The following OCM variants were observed in gnomAD, a reference collection of about 807,000 sequenced individuals.
The protein encoded by OCM is oncomodulin.
A neutral mutation model predicts 14.1 loss-of-function variants in OCM; 18 were observed. That is an observed-to-expected ratio of 1.28 (90% CI 0.88 to 1.89). The LOEUF (loss-of-function observed/expected upper bound fraction) is 1.89, where lower values mean the gene tolerates loss of function less well. Ranked by LOEUF, OCM falls within the 40% of genes most tolerant of loss-of-function variation. OCM has a pLI of 0.00. For missense variants in OCM, 140 were observed against 137.6 expected, an observed-to-expected ratio of 1.02 and a Z score of -0.09; for synonymous variants, 48 against 51.0, an observed-to-expected ratio of 0.94 and a Z score of 0.25.
the OCM span, among the ~76,000 whole-genome samples, chr7:5,860,503 C>T: frequency 5.5e-3 from 639 of 116,074 alleles, 24 homozygotes; most frequent in African/African-American, 0.02. Context: ...ATATATATTA[C>T]GTATATATAC....
chr7:5,883,524 A>C (rs1781269110), intron 2 of OCM, among the ~76,000 whole-genome samples: 1 of 152,020 alleles, frequency 6.6e-6, no homozygotes, highest in African/African-American at 2.4e-5. Context: ...TCTCTACAAA[A>C]AAAAATACAA....
the OCM span, among the ~76,000 whole-genome samples, chr7:5,862,426 A>G: frequency 6.6e-6 from 1 of 151,906 alleles, no homozygotes; most frequent in African/African-American, 2.4e-5. Context: ...TTCTTTCAGG[A>G]TACATCTCCC....
chr7:5,869,807 G>A, the OCM span, among the ~76,000 whole-genome samples: 3 of 151,926 alleles, frequency 2.0e-5, no homozygotes, highest in Middle Eastern at 3.2e-3. Flanking sequence ...CTAACCTCTC[G>A]GAAGCACTCA....
At chr7:5,859,930 C>T in the OCM span, among the ~76,000 whole-genome samples, 5,535 of 152,102 alleles carry the variant, frequency 0.036, 133 homozygotes, top group Non-Finnish European at 0.053. Context: ...TTAGGTGATC[C>T]ACCTGCCTTG....
chr7:5,873,325 C>G, the OCM span, among the ~76,000 whole-genome samples: 1 of 151,976 alleles, frequency 6.6e-6, no homozygotes, highest in Non-Finnish European at 1.5e-5. Flanking sequence ...CGCAGTGAGC[C>G]TAGATCTTGC....
chr7:5,883,865 C>T lies in OCM; in HGVS notation c.195-25C>T, dbSNP rs771371329. On this transcript the variant is annotated intron_variant, in intron 2 of 3. Coordinates refer to ENST00000242104, the MANE Select transcript of OCM (RefSeq NM_001097622.2). ...GAGATGCATGATCTTTTTGAAAATC[C>T]CCATGGATCTTTATTATCCTGTAGG... The T allele has an allele frequency of 1.5e-5, 24 of 1,611,920 alleles. No homozygotes were observed. The African/African-American group carries it at 2.4e-4, about 16-fold the overall frequency.
At chr7:5,865,505 G>A in the OCM span, among the ~76,000 whole-genome samples, 99 of 152,326 alleles carry the variant, frequency 6.5e-4, no homozygotes, top group South Asian at 1.2e-3. Flanking sequence ...CTGCTTTTTA[G>A]AACACCGTGA....
At chr7:5,863,280 C>G in the OCM span, among the ~76,000 whole-genome samples, 4 of 152,242 alleles carry the variant, frequency 2.6e-5, no homozygotes, top group East Asian at 5.8e-4. Context: ...GTCACAGATG[C>G]TCCTGTGGCT....
the OCM span, among the ~76,000 whole-genome samples, chr7:5,862,173 A>G: frequency 6.6e-6 from 1 of 152,208 alleles, no homozygotes; most frequent in African/African-American, 2.4e-5. Context: ...TCCATACACC[A>G]GCATGTTTGT....
At chr7:5,881,728 T>C (rs1781219328) in intron 1 of OCM, among the ~76,000 whole-genome samples, 1 of 151,898 alleles carries the variant, frequency 6.6e-6, no homozygotes, top group Non-Finnish European at 1.5e-5. Flanking sequence ...ATTATAGAGA[T>C]CTGGGATCTG....
chr7:5,868,860 C>G, the OCM span, among the ~76,000 whole-genome samples: 2 of 151,842 alleles, frequency 1.3e-5, no homozygotes, highest in African/African-American at 2.4e-5. Context: ...GTCAGGAGTT[C>G]GAAACCAGCC....
At chr7:5,878,412 C>T (rs190653012), upstream of OCM, among the ~76,000 whole-genome samples, 2 of 151,874 alleles carry the variant, frequency 1.3e-5, no homozygotes, top group Admixed American at 6.6e-5. Context: ...TTCAATAATG[C>T]GCCAAGAGTT....
the OCM span, among the ~76,000 whole-genome samples, chr7:5,866,120 ACAC>A: frequency 1.3e-5 from 2 of 151,716 alleles, no homozygotes; most frequent in Non-Finnish European, 2.9e-5. Flanking sequence ...TAGGAGCTGA[ACAC>A]CAGCCTGGGC....
chr7:5,883,273 G>A (rs112093912), intron 2 of OCM, among the ~76,000 whole-genome samples: 11,711 of 152,198 alleles, frequency 0.077, 507 homozygotes, highest in South Asian at 0.11. Context: ...ATTGCTTGAA[G>A]TCAGGAGGCA....
chr7:5,882,189 C>G (rs61065270), intron 1 of OCM, among the ~76,000 whole-genome samples: 11,967 of 147,628 alleles, frequency 0.081, 554 homozygotes, highest in Admixed American at 0.11. Flanking sequence ...ACCAGGGATG[C>G]TGGGGGCTCA....
At chr7:5,880,686 G>A, upstream of OCM, 1 of 502,220 alleles carries the variant, frequency 2.0e-6, no homozygotes, top group Non-Finnish European at 3.5e-6. Flanking sequence ...TTGAGCCCAG[G>A]AGGCGGAGGT....
At chr7:5,864,026 A>C in the OCM span, among the ~76,000 whole-genome samples, 1 of 151,788 alleles carries the variant, frequency 6.6e-6, no homozygotes, top group Non-Finnish European at 1.5e-5. Context: ...GGAATGCAAG[A>C]ATGATCTGGG....
the OCM span, among the ~76,000 whole-genome samples, chr7:5,860,807 TAC>T: frequency 6.8e-6 from 1 of 146,140 alleles, no homozygotes; most frequent in Non-Finnish European, 1.5e-5. Flanking sequence ...TATACACACA[TAC>T]ACACATACAT....
At chr7:5,871,177 C>CT in the OCM span, among the ~76,000 whole-genome samples, 1 of 151,458 alleles carries the variant, frequency 6.6e-6, no homozygotes, top group South Asian at 2.1e-4. Context: ...TGAGAGCCCC[C>CT]CCCCCGTCTC....
Sources: gnomAD v4.1 joint callset for allele counts (sites outside exome capture counted in the v4.1 genomes callset) on GRCh38, gnomAD v4.1.1 for gene constraint, MANE v1.5 for transcripts, NCBI Gene and HGNC (gene_info 2026-07-23, HGNC 2026-07-21) for gene names.